KCNQ1: variants seen among roughly 807,000 people sequenced by gnomAD.
The protein encoded by KCNQ1 is potassium voltage-gated channel subfamily KQT member 1.
A neutral mutation model predicts 72.4 loss-of-function variants in KCNQ1; 49 were observed. The observed-to-expected ratio is 0.68, with a 90% confidence interval of 0.54 to 0.86. KCNQ1 has a LOEUF of 0.86. KCNQ1 is among the 40% of genes least tolerant of loss of function. The pLI is 0.00. For missense variants in KCNQ1, 790 were observed against 945.1 expected (o/e 0.84, Z 2.15); for synonymous variants, 450 against 412.6 (o/e 1.09, Z -1.10).
At chr11:2,470,156 T>C (rs1180059950) in intron 1 of KCNQ1, among the ~76,000 whole-genome samples, 1 of 152,226 alleles carries the variant, frequency 6.6e-6, no homozygotes, top group Non-Finnish European at 1.5e-5. Flanking sequence ...AGCTGGGGTC[T>C]GGCTATGTCG....
At chr11:2,771,805 G>C (rs1468055645) in intron 12 of KCNQ1, among the ~76,000 whole-genome samples, 1 of 152,210 alleles carries the variant, frequency 6.6e-6, no homozygotes, top group African/African-American at 2.4e-5. Context: ...AGGTGAAAAA[G>C]CTGGTCCCTG....
chr11:2,702,719 T>G (rs1475799698), intron 11 of KCNQ1, among the ~76,000 whole-genome samples: 2 of 152,170 alleles, frequency 1.3e-5, no homozygotes, highest in African/African-American at 4.8e-5. Context: ...GCCTGTGATA[T>G]TCCATGGGCA....
chr11:2,589,699 G>A (rs1001709112), intron 10 of KCNQ1, among the ~76,000 whole-genome samples: 1 of 152,132 alleles, frequency 6.6e-6, no homozygotes, highest in Non-Finnish European at 1.5e-5. Context: ...CATGCCTCCC[G>A]CCAACTTCTG....
intron 1 of KCNQ1, among the ~76,000 whole-genome samples, chr11:2,514,687 G>A (rs1406332099): frequency 9.2e-5 from 14 of 152,224 alleles, no homozygotes; most frequent in African/African-American, 2.7e-4. Context: ...TTAGCCCGGC[G>A]TGGTGGCGGG....
At chr11:2,805,835 C>T (rs977718072) in intron 15 of KCNQ1, among the ~76,000 whole-genome samples, 2 of 152,184 alleles carry the variant, frequency 1.3e-5, no homozygotes, top group African/African-American at 4.8e-5. Flanking sequence ...ACACGTATCA[C>T]GGGGATTAAA....
chr11:2,580,577 G>A (rs1410561024), intron 6 of KCNQ1, among the ~76,000 whole-genome samples: 1 of 152,150 alleles, frequency 6.6e-6, no homozygotes, highest in East Asian at 1.9e-4. Context: ...CACTGCTTAC[G>A]CTTGGGTGGG....
At chr11:2,461,394 AAGCCT>A (rs1846275289) in intron 1 of KCNQ1, 19 of 1,262,166 alleles carry the variant, frequency 1.5e-5, no homozygotes, top group Non-Finnish European at 1.8e-5. Flanking sequence ...TGGAGGAGAT[AAGCCT>A]GCTGACTGGG....
intron 15 of KCNQ1, among the ~76,000 whole-genome samples, chr11:2,805,383 T>G (rs1483850458): frequency 1.3e-5 from 2 of 152,092 alleles, no homozygotes; most frequent in African/African-American, 4.8e-5. Flanking sequence ...AAGTGAAAAC[T>G]CAAATCTATG....
rs163159 is a variant in KCNQ1 at position 2,769,466 on chromosome 11, A to G, written c.1590+547A>G. On this transcript the variant is annotated intron_variant, in intron 12 of 15. Transcript: ENST00000155840. The surrounding 1 kb of genome is among the most constrained non-coding windows in gnomAD (Gnocchi z 4.6). ...CTTGGCCAGGTGAGGCTGGAGCTCC[A>G]GGGCTTCCATAAGCTGCCCTAACTT... Among the ~76,000 whole-genome samples the G allele has an allele frequency of 0.99, 151,444 of 152,298 alleles. 75,302 individuals are homozygous for G. The highest frequency in any genetic ancestry group is 1 in the Middle Eastern group (294 of 294).
chr11:2,701,641 C>T (rs946370683), intron 11 of KCNQ1, among the ~76,000 whole-genome samples: 3 of 152,212 alleles, frequency 2.0e-5, no homozygotes, highest in African/African-American at 7.2e-5. Flanking sequence ...GAAAATGGAG[C>T]TTGGAACTTC....
At chr11:2,454,341 G>A (rs561670933) in intron 1 of KCNQ1, among the ~76,000 whole-genome samples, 22 of 152,160 alleles carry the variant, frequency 1.4e-4, no homozygotes, top group South Asian at 1.2e-3. Flanking sequence ...GTTCGTAATC[G>A]CTTGGTGAAA....
chr11:2,464,503 A>C lies in KCNQ1; in HGVS notation c.386+19019A>C, dbSNP rs1846324046. On this transcript the variant is annotated intron_variant, in intron 1 of 15. Transcript: ENST00000155840. The surrounding 1 kb of genome is among the most constrained non-coding windows in gnomAD (Gnocchi z 5.0). ...AGAGTGCCGGGGTGGGGGCAGGTGCACTGTGGTCCTGGGTCCACATGGTGC... is the reference window on the plus strand; with the variant it reads ...AGAGTGCCGGGGTGGGGGCAGGTGCCCTGTGGTCCTGGGTCCACATGGTGC... Among the ~76,000 whole-genome samples, 1 of 152,106 alleles carries C rather than the reference A, an allele frequency of 6.6e-6. No homozygotes were observed. Among genetic ancestry groups the C allele is most frequent in the African/African-American group, 2.4e-5 (1 of 41,404 alleles).
In KCNQ1 at chr11:2,664,986, G is replaced by A. The variant is rs576307354; in HGVS notation, c.1514+2905G>A. The A allele has an allele frequency of 1.3e-4, 50 of 398,530 alleles. No homozygotes were observed. Among genetic ancestry groups the A allele is most frequent in the Non-Finnish European group, 1.9e-4 (42 of 226,130 alleles). The allele number at this position is 398,530 out of a possible 1,614,324, so 24.7% of individuals were successfully genotyped here. On this transcript the variant is annotated intron_variant, in intron 11 of 15. Transcript: ENST00000155840. This position sits in a 1 kb window ranked among gnomAD's most constrained non-coding sequence, Gnocchi z 5.1. Reference sequence around the variant, plus strand: ...TACGGGAAGGTCCCTGGGGCTGGGCGAAGCTCCTCTTTCCGGGGCCTGTTA... The same window carrying A: ...TACGGGAAGGTCCCTGGGGCTGGGCAAAGCTCCTCTTTCCGGGGCCTGTTA...
At chr11:2,616,198 A>G in intron 10 of KCNQ1, 2 of 390,510 alleles carry the variant, frequency 5.1e-6, no homozygotes, top group African/African-American at 4.3e-5. Context: ...TATCGTTCCC[A>G]CTTTTGTTTT....
rs550874836 is a variant in KCNQ1 at position 2,655,047 on chromosome 11, G to A, written c.1394-6914G>A. 341 of 398,540 alleles carry A rather than the reference G, an allele frequency of 8.6e-4. 1 individual carries two copies. The highest frequency in any genetic ancestry group is 8.9e-4 in the Non-Finnish European group (201 of 226,048). 24.7% of individuals were successfully genotyped at this position (398,540 alleles called of 1,614,324 possible). ...CACCCAAAGACAAAGTTAACATTTG[G>A]ATCTGTTTCCTTCTAGTCTTTTTTC... On this transcript the variant is annotated intron_variant, in intron 10 of 15. Coordinates refer to ENST00000155840, the MANE Select transcript of KCNQ1 (RefSeq NM_000218.3).
rs867317725 is a variant in KCNQ1, at chr11:2,515,034, A to G, written c.387-12894A>G. ...TTCCTCAAGTCTTTCTTGTTTTTTTATGTTATTTTATTTTAGATTTGAGGA... is the reference window on the plus strand; with the variant it reads ...TTCCTCAAGTCTTTCTTGTTTTTTTGTGTTATTTTATTTTAGATTTGAGGA... On this transcript the variant is annotated intron_variant, in intron 1 of 15. Transcript: ENST00000155840. This position sits in a 1 kb window ranked among gnomAD's most constrained non-coding sequence, Gnocchi z 4.7. Among the ~76,000 whole-genome samples, 3 of 151,704 alleles carry G rather than the reference A, an allele frequency of 2.0e-5. No homozygotes were observed. The highest frequency in any genetic ancestry group is 4.4e-5 in the Non-Finnish European group (3 of 67,946).
At chr11:2,721,311 G>C (rs932036136) in intron 11 of KCNQ1, among the ~76,000 whole-genome samples, 1 of 152,194 alleles carries the variant, frequency 6.6e-6, no homozygotes, top group East Asian at 1.9e-4. Context: ...GGGTCTGCTC[G>C]TGAGGGACCC....
chr11:2,553,172 T>TTTG (rs1564814903), intron 2 of KCNQ1, among the ~76,000 whole-genome samples: 5 of 143,044 alleles, frequency 3.5e-5, no homozygotes, highest in African/African-American at 1.3e-4. Context: ...GTTTTTTTTT[T>TTTG]TTTTGTTTTT....
At chr11:2,461,882 G>C in intron 1 of KCNQ1, 1 of 466,576 alleles carries the variant, frequency 2.1e-6, no homozygotes, top group Non-Finnish European at 3.8e-6. Flanking sequence ...GGATGGGCAG[G>C]GAGAGAAATG....
Sources: allele counts gnomAD v4.1 joint callset (sites outside exome capture counted in the v4.1 genomes callset), GRCh38; gene constraint gnomAD v4.1.1; non-coding constraint Gnocchi (gnomAD v3.1); transcripts MANE v1.5; gene names NCBI Gene and HGNC (gene_info 2026-07-23, HGNC 2026-07-21).